The following FARP2 variants were observed in gnomAD, a reference collection of about 807,000 sequenced individuals.
FARP2 encodes FERM, ARH/RhoGEF and pleckstrin domain protein 2, also known as FERM, ARHGEF and pleckstrin domain-containing protein 2.
FARP2 carries 111 observed loss-of-function variants against 130.5 expected under a neutral mutation model. The ratio of observed to expected loss-of-function variants is 0.85; its 90% CI spans 0.73 to 1.00. The LOEUF (loss-of-function observed/expected upper bound fraction) is 1.00. Ranked by LOEUF, FARP2 falls within the 50% of genes least tolerant of loss-of-function variation. The probability of loss-of-function intolerance (pLI) is 0.00; values close to 1 mark genes in which losing one functional copy is unlikely to be tolerated. For synonymous variants in FARP2, 504 were observed against 516.9 expected (o/e 0.98, Z 0.34); for missense variants, 1,385 against 1,346.3 (o/e 1.03, Z -0.45).
intron 3 of FARP2, 136 bp from the exon 4 acceptor site, chr2:241,404,663 T>A: frequency 1.6e-6 from 1 of 620,792 alleles, no homozygotes; most frequent in South Asian, 2.0e-5. Flanking sequence ...GATTCAACCT[T>A]TAAGAGGGGG....
At chr2:241,384,184 ATTC>A (rs1331327335) in intron 2 of FARP2, among the ~76,000 whole-genome samples, 1 of 152,040 alleles carries the variant, frequency 6.6e-6, no homozygotes, top group Non-Finnish European at 1.5e-5. Flanking sequence ...CTGAACTTTT[ATTC>A]TTAGAGAAAT....
intron 1 of FARP2, among the ~76,000 whole-genome samples, chr2:241,357,816 G>C (rs531986341): frequency 1.3e-5 from 2 of 152,320 alleles, no homozygotes; most frequent in African/African-American, 4.8e-5. Flanking sequence ...CAGGTTCCTT[G>C]TATACTAATT....
chr2:241,470,747 G>A (rs2064284642), intron 18 of FARP2, among the ~76,000 whole-genome samples: 1 of 151,648 alleles, frequency 6.6e-6, no homozygotes, highest in African/African-American at 2.4e-5. Context: ...TCTGAGGGAG[G>A]GGTCCATACT....
chr2:241,407,676 C>G (rs540630378), intron 5 of FARP2, 61 bp downstream of exon 5: 1 of 1,229,412 alleles, frequency 8.1e-7, no homozygotes, highest in African/African-American at 1.5e-5. Context: ...CCTGTTATCT[C>G]CCACAGCACC....
rs1559740753 is a variant in FARP2, at chr2:241,407,588, CTG to C, written c.384_385del (p.Gly129SerfsTer16). 1 of 1,613,996 alleles carries C rather than the reference CTG, an allele frequency of 6.2e-7. No individual in the cohort carries two copies. Reference sequence around the variant, plus strand: ...GCTGTAAAATTTTTTCCACCTGATCCTGGTCAGCTACAAGAAGAATATACAAG... The same window carrying C: ...GCTGTAAAATTTTTTCCACCTGATCCGTCAGCTACAAGAAGAATATACAAG... On this transcript the variant is annotated frameshift_variant, in exon 5 of 27. Coordinates refer to ENST00000264042, the MANE Select transcript of FARP2 (RefSeq NM_014808.4). LOFTEE classifies it high-confidence loss of function.
chr2:241,366,132 T>TAC lies in FARP2; in HGVS notation c.-24-6951_-24-6950insCA, dbSNP rs1559702291. 5.3e-5 allele frequency among the ~76,000 whole-genome samples: 7 copies of TAC among 131,612 alleles called. No individual in the cohort carries two copies. The East Asian group carries it at 6.1e-4, about 11-fold the overall frequency. 86.3% of individuals were successfully genotyped at this position (131,612 alleles called of 152,430 possible). ...ATATATATATATATACGTATATATATATATATACACACACACATATATATT... is the reference window on the plus strand; with the variant it reads ...ATATATATATATATACGTATATATATACATATATACACACACACATATATATT... On this transcript the variant is annotated intron_variant, in intron 1 of 26. Coordinates refer to ENST00000264042, the MANE Select transcript of FARP2 (RefSeq NM_014808.4).
In FARP2 at chr2:241,456,897, T is replaced by C. The variant is rs147626594; in HGVS notation, c.1562T>C (p.Met521Thr). ...CTCAGTGATGCTGGCGGAGCCGGGATGGACTGCGAGGAGCCCAGACACAAG... is the reference window on the plus strand; with the variant it reads ...CTCAGTGATGCTGGCGGAGCCGGGACGGACTGCGAGGAGCCCAGACACAAG... ...PVLSDAGGAG[M>T]DCEEPRHKRV... Residue 521 changes from methionine to threonine, a missense_variant, in exon 14 of 27, where the codon ATG becomes ACG. Met to Thr is a moderately conservative substitution (Grantham distance 81). Transcript: ENST00000264042. 1.9e-6 allele frequency: 3 copies of C among 1,607,144 alleles called. No homozygotes were observed. The highest frequency in any genetic ancestry group is 2.6e-6 in the Non-Finnish European group (3 of 1,176,340).
intron 4 of FARP2, among the ~76,000 whole-genome samples, chr2:241,406,996 G>C (rs967233035): frequency 1.3e-5 from 2 of 151,704 alleles, no homozygotes; most frequent in Non-Finnish European, 2.9e-5. Context: ...TTTTAATAGA[G>C]ACGGGGTTTC....
At chr2:241,422,722 A>T (rs957028346) in intron 8 of FARP2, among the ~76,000 whole-genome samples, 1 of 152,184 alleles carries the variant, frequency 6.6e-6, no homozygotes, top group Non-Finnish European at 1.5e-5. Flanking sequence ...GAAGCTAAGG[A>T]CCATGATAAA....
At chr2:241,437,620 C>T (rs558382856) in intron 12 of FARP2, among the ~76,000 whole-genome samples, 1 of 151,478 alleles carries the variant, frequency 6.6e-6, no homozygotes, top group African/African-American at 2.4e-5. Context: ...CACATACCAT[C>T]ATGCCTCGCT....
chr2:241,420,061 GA>G (rs1222291375), intron 8 of FARP2, among the ~76,000 whole-genome samples: 1 of 152,184 alleles, frequency 6.6e-6, no homozygotes, highest in African/African-American at 2.4e-5. Flanking sequence ...TGAGGTGGGA[GA>G]ATCACCTGAG....
At chr2:241,357,997 C>T (rs1181806134) in intron 1 of FARP2, among the ~76,000 whole-genome samples, 2 of 152,194 alleles carry the variant, frequency 1.3e-5, no homozygotes, top group African/African-American at 4.8e-5. Flanking sequence ...CCAGACCAGC[C>T]TGCTCAACAG....
At chr2:241,412,213 CCT>C (rs2062538514) in intron 6 of FARP2, among the ~76,000 whole-genome samples, 4 of 152,036 alleles carry the variant, frequency 2.6e-5, no homozygotes, top group Admixed American at 2.6e-4. Flanking sequence ...GGAAATGGCC[CCT>C]TGTAAAATCA....
intron 17 of FARP2, chr2:241,466,481 C>A: frequency 1.0e-6 from 1 of 985,450 alleles, no homozygotes; most frequent in Middle Eastern, 5.2e-4. Context: ...CCTCAGCCAA[C>A]CCTGTCCCTT....
At chr2:241,400,144 A>G (rs1023317721) in intron 2 of FARP2, among the ~76,000 whole-genome samples, 1 of 152,160 alleles carries the variant, frequency 6.6e-6, no homozygotes, top group Non-Finnish European at 1.5e-5. Context: ...CTCTGGCTGC[A>G]CTACTCTAGG....
At chr2:241,449,811 A>G (rs55812424) in intron 13 of FARP2, among the ~76,000 whole-genome samples, 26,065 of 152,024 alleles carry the variant, frequency 0.17, 2,595 homozygotes, top group East Asian at 0.4. Flanking sequence ...AGCCTGGCCA[A>G]CACAGTGAAA....
intron 17 of FARP2, chr2:241,466,652 G>A: frequency 1.0e-6 from 1 of 975,122 alleles, no homozygotes; most frequent in Non-Finnish European, 1.2e-6. Context: ...TCACCCCCAG[G>A]CAGCGGGCCA....
At chr2:241,447,713 C>T (rs1158369621) in intron 13 of FARP2, among the ~76,000 whole-genome samples, 1 of 152,154 alleles carries the variant, frequency 6.6e-6, no homozygotes, top group Non-Finnish European at 1.5e-5. Context: ...TTGAGTTTCC[C>T]ATTTGGCCAA....
chr2:241,452,441 A>G (rs2063685176), intron 13 of FARP2, among the ~76,000 whole-genome samples: 1 of 152,204 alleles, frequency 6.6e-6, no homozygotes, highest in Non-Finnish European at 1.5e-5. Flanking sequence ...ACTGACTTTC[A>G]TGTAGGATCT....
Sources: allele counts gnomAD v4.1 joint callset (sites outside exome capture counted in the v4.1 genomes callset), GRCh38; gene constraint gnomAD v4.1.1; transcripts MANE v1.5; gene names NCBI Gene and HGNC (gene_info 2026-07-23, HGNC 2026-07-21).